The following FBXO38 variants were observed in gnomAD, a reference collection of about 807,000 sequenced individuals.
FBXO38 encodes the protein F-box only protein 38.
A neutral mutation model predicts 131.9 loss-of-function variants in FBXO38; 53 were observed. The ratio of observed to expected loss-of-function variants is 0.40; its 90% CI spans 0.32 to 0.51. The LOEUF is 0.51. Among genes scored for constraint, FBXO38 ranks in the 20% least tolerant of loss-of-function variants. The pLI is 0.53. For synonymous variants in FBXO38, 452 were observed against 505.6 expected (o/e 0.89, Z 1.42); for missense variants, 1,076 against 1,475.6 (o/e 0.73, Z 4.44).
At chr5:148,435,642 T>C (rs893467366) in intron 17 of FBXO38, among the ~76,000 whole-genome samples, 6 of 152,058 alleles carry the variant, frequency 3.9e-5, no homozygotes, top group Non-Finnish European at 7.4e-5. Flanking sequence ...TGGTGGCGGG[T>C]GCCTGTAGTC....
intron 12 of FBXO38, among the ~76,000 whole-genome samples, chr5:148,419,472 TTA>T (rs1473049180): frequency 6.6e-6 from 1 of 152,196 alleles, no homozygotes; most frequent in Non-Finnish European, 1.5e-5. Flanking sequence ...TAATGGGGAA[TTA>T]TGTTAAACAG....
intron 13 of FBXO38, 102 bp from the exon 14 acceptor site, chr5:148,425,420 C>A: frequency 2.3e-6 from 2 of 888,086 alleles, no homozygotes; most frequent in Non-Finnish European, 3.6e-6. Context: ...CTGTATAGAG[C>A]CACAAAGCAT....
chr5:148,440,644 G>C (rs3734121), intron 20 of FBXO38, 117 bp downstream of exon 20: 5 of 593,958 alleles, frequency 8.4e-6, no homozygotes, highest in Non-Finnish European at 1.5e-5. Flanking sequence ...GTTCAAGACC[G>C]GCCTGGGAAA....
At chr5:148,410,387 C>T (rs1225582705) in intron 8 of FBXO38, 1 of 489,078 alleles carries the variant, frequency 2.0e-6, no homozygotes, top group Non-Finnish European at 3.6e-6. Flanking sequence ...TGCCTGCTGC[C>T]ATCAGGCAAA....
At chr5:148,386,922 A>G (rs1458536464) in intron 1 of FBXO38, among the ~76,000 whole-genome samples, 3 of 151,194 alleles carry the variant, frequency 2.0e-5, no homozygotes, top group African/African-American at 4.9e-5. Context: ...AAAAAATGCT[A>G]ACAATTAATC....
At position 148,423,994 on chromosome 5, in the gene FBXO38, G is replaced by T. The variant is rs11168047; in HGVS notation, c.1619-4G>T. 0.32 allele frequency: 513,482 copies of T among 1,604,452 alleles called. 90,972 individuals are homozygous for T. The highest frequency in any genetic ancestry group is 0.69 in the African/African-American group (51,279 of 74,324). ...TTTTTACTTTGTGTATATTTTCGTTGAAGCATTAAATGAGATGGAAGACAT... is the reference window on the plus strand; with the variant it reads ...TTTTTACTTTGTGTATATTTTCGTTTAAGCATTAAATGAGATGGAAGACAT... On this transcript the variant is annotated splice_polypyrimidine_tract_variant and splice_region_variant and intron_variant, in intron 12 of 21. Transcript: ENST00000340253.
intron 9 of FBXO38, among the ~76,000 whole-genome samples, chr5:148,412,676 G>C (rs775960751): frequency 9.9e-5 from 15 of 152,042 alleles, no homozygotes; most frequent in Non-Finnish European, 2.1e-4. Context: ...ATTGAGGCCT[G>C]TCTGCTACTA....
intron 19 of FBXO38, 38 bp downstream of exon 19, chr5:148,439,830 A>G (rs769742073): frequency 7.5e-6 from 12 of 1,602,946 alleles, no homozygotes; most frequent in Admixed American, 1.7e-5. Context: ...CTTTTGAGTC[A>G]TTTCTCATAG....
intron 12 of FBXO38, among the ~76,000 whole-genome samples, chr5:148,419,285 A>C (rs1336643132): frequency 3.3e-5 from 5 of 152,230 alleles, no homozygotes; most frequent in African/African-American, 1.2e-4. Context: ...ATTAGATTCC[A>C]CAGGTCACTC....
At chr5:148,424,160 G>A (rs750974752) in intron 13 of FBXO38, 43 bp downstream of exon 13, 25 of 1,579,942 alleles carry the variant, frequency 1.6e-5, no homozygotes, top group Admixed American at 3.6e-5. Flanking sequence ...CTGAAACTAC[G>A]GCCTAACTGT....
In FBXO38 at chr5:148,433,678, C is replaced by T. The variant is rs778693284; in HGVS notation, c.2798C>T (p.Thr933Ile). ...AAGAATCTTGTTGGAGTCACTATGA[C>T]CAATTGTGGAATCACAGATCTAGTG... Reference protein sequence around the residue: ...KSKNLVGVTMTNCGITDLVLK... With the variant: ...KSKNLVGVTMINCGITDLVLK... Residue 933 changes from threonine (T) to isoleucine (I), a missense_variant, in exon 17 of 22, where the codon ACC becomes ATC. This residue lies in a region of FBXO38 where 282 missense variants were observed against 418.8 expected (regional missense o/e 0.67). Coordinates refer to ENST00000340253, the MANE Select transcript of FBXO38 (RefSeq NM_205836.3). 1 of 1,611,526 alleles carries T rather than the reference C, an allele frequency of 6.2e-7. No homozygotes were observed. Among genetic ancestry groups the T allele is most frequent in the East Asian group, 2.2e-5 (1 of 44,834 alleles).
intron 15 of FBXO38, among the ~76,000 whole-genome samples, chr5:148,429,386 A>G (rs538783682): frequency 3.7e-4 from 56 of 150,286 alleles, no homozygotes; most frequent in Non-Finnish European, 7.5e-4. Flanking sequence ...TTGGTTATGG[A>G]TGTCCATTCT....
At position 148,402,030 on chromosome 5, in the gene FBXO38, T is replaced by C; in HGVS notation, c.311T>C (p.Val104Ala). 2 of 1,613,302 alleles carry C rather than the reference T, an allele frequency of 1.2e-6. No homozygotes were observed. Among genetic ancestry groups the C allele is most frequent in the Non-Finnish European group, 8.5e-7 (1 of 1,179,386 alleles). ...FLTLLKKMPD[V>A]EQLYGLHPRY... is the part of the protein sequence containing the mutation. Reference sequence around the variant, plus strand: ...ACACTATTAAAGAAGATGCCAGATGTTGAACAGCTATATGGCCTTCACCCT... The same window carrying C: ...ACACTATTAAAGAAGATGCCAGATGCTGAACAGCTATATGGCCTTCACCCT... Residue 104 changes from valine to alanine, a missense_variant, in exon 4 of 22, where the codon GTT becomes GCT. By Grantham distance (64) the Val-to-Ala change is moderately conservative. Around this residue, in one of 8 missense-constraint regions of FBXO38, gnomAD observed 96 missense variants for 193.9 expected, o/e 0.50. Coordinates refer to ENST00000340253, the MANE Select transcript of FBXO38 (RefSeq NM_205836.3).
rs748509913 is a variant in FBXO38 at position 148,414,121 on chromosome 5, GA to G, written c.1094-14del. The G allele has an allele frequency of 7.8e-6, 12 of 1,547,250 alleles. No individual in the cohort carries two copies. The highest frequency in any genetic ancestry group is 1.0e-5 in the Non-Finnish European group (12 of 1,152,542). Reference sequence around the variant, plus strand: ...AATTTGACTTTTTTTTTTTTTAATTGATTGCTCTTTTTAGGCAGAATGGCTA... The same window carrying G: ...AATTTGACTTTTTTTTTTTTTAATTGTTGCTCTTTTTAGGCAGAATGGCTA... On this transcript the variant is annotated splice_polypyrimidine_tract_variant and intron_variant, in intron 9 of 21. Transcript: ENST00000340253.
In FBXO38 at chr5:148,404,732, T is replaced by G; in HGVS notation, c.640T>G (p.Tyr214Asp). The G allele has an allele frequency of 1.2e-6, 2 of 1,605,050 alleles. No homozygotes were observed. The highest frequency in any genetic ancestry group is 4.5e-5 in the East Asian group (2 of 44,312). ...TTGTATCCCAATGCTAAGGCACCTT[T>G]ATATGAAGTGGGTAAGACTCACTAA... is the stretch of plus-strand genomic sequence containing the variant. ...IPCIPMLRHL[Y>D]MKWVRLTKPQ... Residue 214 changes from tyrosine (Y) to aspartate (D), a missense_variant, in exon 6 of 22, where the codon TAT becomes GAT. By Grantham distance (160) the Tyr-to-Asp change is radical. Coordinates refer to ENST00000340253, the MANE Select transcript of FBXO38 (RefSeq NM_205836.3).
Position 148,414,161 on chromosome 5 carries a change from G to A in FBXO38, c.1119G>A (p.Val373=). 3 of 1,609,380 alleles carry A rather than the reference G, an allele frequency of 1.9e-6. No individual in the cohort carries two copies. The East Asian group carries it at 6.7e-5, about 36-fold the overall frequency. Residue 373 remains valine, a synonymous_variant, in exon 10 of 22, where the codon GTG becomes GTA. Transcript: ENST00000340253. ...LQSRMANADL[V]KYGLADVVEN... ...GCAGAATGGCTAATGCGGATCTGGT[G>A]AAGTATGGTTTGGCTGATGTGGTAG...
rs1758382815 is a variant in FBXO38, at chr5:148,394,647, ATT to A, written c.-63-66_-63-65del. ...TGCTTGTGTGTGTTTGAAAATAAAC[ATT>A]GTTTAACCTGGGTTTTAGTAGGGGG... is the stretch of plus-strand genomic sequence containing the variant. On this transcript the variant is annotated intron_variant, in intron 1 of 21. Transcript: ENST00000340253. 9.2e-6 allele frequency: 6 copies of A among 652,952 alleles called. No homozygotes were observed. In the East Asian group the frequency reaches 2.1e-4, roughly 22 times the overall value. 40.4% of individuals were successfully genotyped at this position (652,952 alleles called of 1,614,324 possible).
intron 11 of FBXO38, 51 bp downstream of exon 11, chr5:148,416,121 A>C (rs1753037974): frequency 6.7e-7 from 1 of 1,483,670 alleles, no homozygotes; most frequent in Non-Finnish European, 9.0e-7. Context: ...AAAGAAAATA[A>C]AAACAGCCTG....
chr5:148,422,100 C>A (rs1485663569), intron 12 of FBXO38, among the ~76,000 whole-genome samples: 1 of 146,764 alleles, frequency 6.8e-6, no homozygotes, highest in Non-Finnish European at 1.5e-5. Flanking sequence ...GGCCTATTTT[C>A]TTGCCCAGCT....
Sources: allele counts gnomAD v4.1 joint callset (sites outside exome capture counted in the v4.1 genomes callset), GRCh38; gene constraint gnomAD v4.1.1; regional missense constraint gnomAD v4.1.1; transcripts MANE v1.5; gene names NCBI Gene and HGNC (gene_info 2026-07-23, HGNC 2026-07-21).